The following IL2RB variants were observed in gnomAD, a reference collection of about 807,000 sequenced individuals.
IL2RB encodes interleukin-2 receptor subunit beta.
IL2RB carries 17 observed loss-of-function variants against 44.2 expected under a neutral mutation model. The ratio of observed to expected loss-of-function variants is 0.38; its 90% CI spans 0.26 to 0.58. The LOEUF is 0.58. IL2RB is among the 20% of genes least tolerant of loss of function. The pLI, the probability that IL2RB is intolerant of heterozygous loss-of-function variation, is 0.63. For missense variants in IL2RB, 624 were observed against 685.5 expected, an observed-to-expected ratio of 0.91 and a Z score of 1.00; for synonymous variants, 286 against 297.9, an observed-to-expected ratio of 0.96 and a Z score of 0.41.
chr22:37,152,927 C>CTTT (rs1922549670), upstream of IL2RB, among the ~76,000 whole-genome samples: 1 of 107,700 alleles, frequency 9.3e-6, no homozygotes, highest in Non-Finnish European at 2.0e-5. Context: ...AAGCTGTGGC[C>CTTT]TCTTTTTTTT....
chr22:37,172,475 C>T (rs193122991), intron 1 of IL2RB, among the ~76,000 whole-genome samples: 2 of 152,110 alleles, frequency 1.3e-5, no homozygotes, highest in African/African-American at 4.8e-5. Context: ...CCAATAGGGC[C>T]CAGAATGAGG....
At chr22:37,154,600 G>A (rs1002055226), upstream of IL2RB, among the ~76,000 whole-genome samples, 2 of 142,296 alleles carry the variant, frequency 1.4e-5, no homozygotes, top group East Asian at 2.0e-4. Context: ...TTTTTTAGAC[G>A]GAATCTTGCT....
chr22:37,163,452 G>A (rs898418855), intron 1 of IL2RB, among the ~76,000 whole-genome samples: 4 of 152,160 alleles, frequency 2.6e-5, no homozygotes, highest in Admixed American at 1.3e-4. Flanking sequence ...TGGGGGGGCC[G>A]CTTCTAGAAG....
rs1922906888 is a variant in IL2RB, at chr22:37,162,259, A to C, written c.-34+12699T>G. On this transcript the variant is annotated intron_variant, in intron 1 of 5. Coordinates refer to the IL2RB transcript ENST00000429622. ...GTCTGCGGGGCCTTGGAGTAGGACC[A>C]GTGTTGTACCACAGGCCCTGGTGCC... is the stretch of plus-strand genomic sequence containing the variant. Among the ~76,000 whole-genome samples, 5 of 152,318 alleles carry C rather than the reference A, an allele frequency of 3.3e-5. No homozygotes were observed. In the East Asian group the frequency reaches 5.8e-4, roughly 18 times the overall value.
At chr22:37,131,194 A>G (rs371909414) in intron 9 of IL2RB, among the ~76,000 whole-genome samples, 2 of 140,462 alleles carry the variant, frequency 1.4e-5, no homozygotes, top group Non-Finnish European at 3.1e-5. Flanking sequence ...ATAAATAAAT[A>G]AAAGCACTGC....
chr22:37,127,847 T>C lies in IL2RB; in HGVS notation c.*249A>G, dbSNP rs1452822098. On this transcript the variant is annotated 3_prime_UTR_variant, in exon 10 of 10. Coordinates refer to ENST00000216223, the MANE Select transcript of IL2RB (RefSeq NM_000878.5). ...TGGGATCCTGTGATTAACGAGGGAGTTGGGGAGTTACTGCCCCCCTGCAAC... is the reference window on the plus strand; with the variant it reads ...TGGGATCCTGTGATTAACGAGGGAGCTGGGGAGTTACTGCCCCCCTGCAAC... The C allele has an allele frequency of 3.3e-5, 12 of 365,630 alleles. No individual in the cohort carries two copies. The highest frequency in any genetic ancestry group is 5.4e-5 in the Non-Finnish European group (11 of 204,880). 22.6% of individuals were successfully genotyped at this position (365,630 alleles called of 1,614,324 possible).
intron 1 of IL2RB, among the ~76,000 whole-genome samples, chr22:37,171,294 C>T (rs1923276553): frequency 6.6e-6 from 1 of 152,170 alleles, no homozygotes; most frequent in Admixed American, 6.5e-5. Context: ...CACGCTCTTT[C>T]ATTCAAATAA....
At chr22:37,131,484 C>T (rs908557559) in intron 9 of IL2RB, among the ~76,000 whole-genome samples, 3 of 152,168 alleles carry the variant, frequency 2.0e-5, no homozygotes, top group African/African-American at 7.2e-5. Flanking sequence ...GAAGAGGAGA[C>T]GACGGAATCT....
At chr22:37,130,107 A>C (rs1921352795) in intron 9 of IL2RB, among the ~76,000 whole-genome samples, 1 of 152,236 alleles carries the variant, frequency 6.6e-6, no homozygotes, top group African/African-American at 2.4e-5. Flanking sequence ...CCCTTTCTGC[A>C]ACCAGGAGTT....
intron 1 of IL2RB, among the ~76,000 whole-genome samples, chr22:37,163,742 G>A (rs763857487): frequency 1.3e-5 from 2 of 152,234 alleles, no homozygotes; most frequent in Non-Finnish European, 2.9e-5. Flanking sequence ...AGGGATGCTC[G>A]TCTCCACCAC....
intron 1 of IL2RB, among the ~76,000 whole-genome samples, chr22:37,164,855 A>C (rs1923014747): frequency 6.6e-6 from 1 of 152,188 alleles, no homozygotes; most frequent in Non-Finnish European, 1.5e-5. Flanking sequence ...ACTACGCACC[A>C]GGCCCTATTC....
chr22:37,149,917 GGCT>G, upstream of IL2RB: 1 of 985,478 alleles, frequency 1.0e-6, no homozygotes, highest in African/African-American at 1.7e-5. Flanking sequence ...GCTGAGCTCT[GGCT>G]GCTGGGGCCG....
rs1364026456 is a variant in IL2RB, at chr22:37,126,586, A to G, written c.*1510T>C. ...ACAGAGCTTGGTGCCAAACCCCCTCATAGGCTGCTGGTCAGAGCCTGTGGG... is the reference window on the plus strand; with the variant it reads ...ACAGAGCTTGGTGCCAAACCCCCTCGTAGGCTGCTGGTCAGAGCCTGTGGG... On this transcript the variant is annotated 3_prime_UTR_variant, in exon 10 of 10. Transcript: ENST00000216223. The G allele has an allele frequency of 6.6e-6, 1 of 152,148 alleles. No homozygotes were observed. Among genetic ancestry groups the G allele is most frequent in the Non-Finnish European group, 1.5e-5 (1 of 68,044 alleles). The allele number at this position is 152,148 out of a possible 1,614,324, so 9.4% of individuals were successfully genotyped here. A position where few individuals can be genotyped will look rare whatever the true frequency, so the allele number is the denominator to read the frequency against.
chr22:37,134,946 C>T (rs573007946), intron 8 of IL2RB, among the ~76,000 whole-genome samples: 1 of 152,242 alleles, frequency 6.6e-6, no homozygotes, highest in South Asian at 2.1e-4. Context: ...CCGGCGGGGA[C>T]CCAGACACAG....
chr22:37,135,077 C>G (rs2543537), intron 8 of IL2RB, among the ~76,000 whole-genome samples: 7 of 151,768 alleles, frequency 4.6e-5, no homozygotes, highest in Admixed American at 1.3e-4. Context: ...TTCCACAGGG[C>G]CCCCCTGTGG....
At chr22:37,142,744 G>A in intron 3 of IL2RB, 1 of 681,770 alleles carries the variant, frequency 1.5e-6, no homozygotes, top group Non-Finnish European at 2.7e-6. Context: ...CACGGCAGCT[G>A]GAGTGATCTA....
intron 1 of IL2RB, among the ~76,000 whole-genome samples, chr22:37,157,080 G>A (rs1163944409): frequency 7.0e-6 from 1 of 142,330 alleles, no homozygotes; most frequent in East Asian, 1.9e-4. Context: ...TTTGGTGTCT[G>A]ACCCTCCGCC....
At chr22:37,169,350 T>G (rs985423343) in intron 1 of IL2RB, among the ~76,000 whole-genome samples, 2 of 151,866 alleles carry the variant, frequency 1.3e-5, no homozygotes, top group African/African-American at 4.8e-5. Flanking sequence ...AGAGGGGTTC[T>G]TGCTTACACA....
intron 2 of IL2RB, among the ~76,000 whole-genome samples, chr22:37,143,884 C>CGT (rs55819516): frequency 0.044 from 6,147 of 139,774 alleles, 160 homozygotes; most frequent in South Asian, 0.093. Context: ...CTTGGAGAGG[C>CGT]GTGTGTGTGT....
Sources: gnomAD v4.1 joint callset for allele counts (sites outside exome capture counted in the v4.1 genomes callset) on GRCh38, gnomAD v4.1.1 for gene constraint, MANE v1.5 for transcripts, NCBI Gene and HGNC (gene_info 2026-07-23, HGNC 2026-07-21) for gene names.